Variants in FOCAD observed in about 807,000 individuals in gnomAD.
The protein encoded by FOCAD is focadhesin, also known as KIAA1797.
A neutral mutation model predicts 225.6 loss-of-function variants in FOCAD; 198 were observed. The ratio of observed to expected loss-of-function variants is 0.88; its 90% CI spans 0.78 to 0.99. FOCAD has a LOEUF of 0.99. FOCAD is among the 50% of genes least tolerant of loss of function. The pLI is 0.00. For synonymous variants in FOCAD, 897 were observed against 755.0 expected (o/e 1.19, Z -3.08); for missense variants, 2,713 against 2,123.6 (o/e 1.28, Z -5.46).
chr9:20,783,125 A>T (rs1486903906), intron 10 of FOCAD, among the ~76,000 whole-genome samples: 1 of 152,128 alleles, frequency 6.6e-6, no homozygotes, highest in East Asian at 1.9e-4. Flanking sequence ...TGCTCCTTTA[A>T]ATCACAAGTG....
Position 20,929,376 on chromosome 9 carries a change from A to T in FOCAD, c.3097A>T (p.Asn1033Tyr), listed in dbSNP as rs374284178. The T allele has an allele frequency of 5.0e-6, 8 of 1,613,910 alleles. No homozygotes were observed. The highest frequency in any genetic ancestry group is 6.8e-6 in the Non-Finnish European group (8 of 1,179,992). The change falls in exon 27 of 44, where the codon AAC becomes TAC. Residue 1033 changes from asparagine (N) to tyrosine (Y), a missense_variant. Physicochemically the swap from Asn to Tyr is moderately radical, Grantham distance 143. Transcript: ENST00000338382. The part of the protein sequence containing the change: ...WFYYKSYSGE[N>Y]TASAIARSAA... ...GTCCTAGAAGTCCTATTCTGGTGAA[A>T]ACACAGCTAGTGCCATTGCCCGTTC...
At chr9:20,891,865 C>T (rs1490820011) in intron 21 of FOCAD, among the ~76,000 whole-genome samples, 1 of 152,130 alleles carries the variant, frequency 6.6e-6, no homozygotes, top group Non-Finnish European at 1.5e-5. Flanking sequence ...GCAGAAGATG[C>T]CTTGTAGAAA....
chr9:20,850,491 T>C (rs1270806280), intron 15 of FOCAD, among the ~76,000 whole-genome samples: 1 of 151,764 alleles, frequency 6.6e-6, no homozygotes, highest in African/African-American at 2.4e-5. Flanking sequence ...TGTATAAACT[T>C]AGTAGAATGT....
At chr9:20,679,115 C>CTGTGTTTG in intron 2 of FOCAD, among the ~76,000 whole-genome samples, 1 of 93,050 alleles carries the variant, frequency 1.1e-5, no homozygotes, top group Admixed American at 1.0e-4. Flanking sequence ...AACAGACAGT[C>CTGTGTTTG]TGTGTATGTG....
intron 33 of FOCAD, 50 bp downstream of exon 33, chr9:20,949,725 T>C (rs1391871414): frequency 3.5e-6 from 5 of 1,421,154 alleles, no homozygotes; most frequent in Non-Finnish European, 4.0e-6. Context: ...TCCCCCTTTG[T>C]TGTCTTTTTT....
intron 22 of FOCAD, among the ~76,000 whole-genome samples, chr9:20,912,317 T>C (rs934391534): frequency 6.6e-6 from 1 of 151,970 alleles, no homozygotes; most frequent in African/African-American, 2.4e-5. Flanking sequence ...GTTAGCAATA[T>C]TTTTTTTCAC....
At chr9:20,733,772 C>T (rs1386061903) in intron 4 of FOCAD, among the ~76,000 whole-genome samples, 4 of 152,044 alleles carry the variant, frequency 2.6e-5, no homozygotes, top group Non-Finnish European at 4.4e-5. Flanking sequence ...GAGGTCAAGG[C>T]AGAAGGATTG....
At chr9:20,961,185 G>A (rs865981693) in intron 35 of FOCAD, among the ~76,000 whole-genome samples, 8 of 147,788 alleles carry the variant, frequency 5.4e-5, no homozygotes, top group South Asian at 4.4e-4. Context: ...CCTCCTCTCC[G>A]CTCCCCTCCT....
At chr9:20,681,781 G>T (rs1387343024), upstream of FOCAD, among the ~76,000 whole-genome samples, 3 of 152,202 alleles carry the variant, frequency 2.0e-5, no homozygotes, top group Non-Finnish European at 2.9e-5. Context: ...GTTCCTGTAT[G>T]GAAGGAGTAT....
At chr9:20,852,262 T>C (rs1827733793) in intron 15 of FOCAD, among the ~76,000 whole-genome samples, 1 of 151,782 alleles carries the variant, frequency 6.6e-6, no homozygotes, top group African/African-American at 2.4e-5. Flanking sequence ...GTTGAACTTG[T>C]AGATTATAGG....
At chr9:20,809,593 G>C (rs995840907) in intron 11 of FOCAD, among the ~76,000 whole-genome samples, 2 of 152,114 alleles carry the variant, frequency 1.3e-5, no homozygotes, top group African/African-American at 4.8e-5. Context: ...ATACCTCAAA[G>C]ACTATCTTAA....
chr9:20,661,212 A>G (rs561112700), intron 2 of FOCAD, among the ~76,000 whole-genome samples: 1 of 152,278 alleles, frequency 6.6e-6, no homozygotes, highest in African/African-American at 2.4e-5. Context: ...GGTAGAGGAG[A>G]ATGGGTTGGG....
intron 21 of FOCAD, among the ~76,000 whole-genome samples, chr9:20,893,792 C>G (rs1358684390): frequency 6.6e-6 from 1 of 152,096 alleles, no homozygotes; most frequent in African/African-American, 2.4e-5. Context: ...ACTCTGCCCT[C>G]ATGCCTACCT....
chr9:20,910,538 C>T (rs12375887), intron 22 of FOCAD, among the ~76,000 whole-genome samples: 10,588 of 151,968 alleles, frequency 0.07, 681 homozygotes, highest in African/African-American at 0.17. Context: ...GGTGAAATTG[C>T]TTACTATAAT....
chr9:20,666,418 A>T (rs4509428), intron 2 of FOCAD, among the ~76,000 whole-genome samples: 3 of 151,914 alleles, frequency 2.0e-5, no homozygotes, highest in African/African-American at 7.3e-5. Context: ...AAAAAATACG[A>T]AAACAGCTGG....
At chr9:20,724,026 T>C (rs1826002904) in intron 4 of FOCAD, among the ~76,000 whole-genome samples, 1 of 152,170 alleles carries the variant, frequency 6.6e-6, no homozygotes, top group South Asian at 2.1e-4. Context: ...AGATCTCATG[T>C]GAACTAACTG....
chr9:20,890,810 T>C (rs1275925937), intron 21 of FOCAD, among the ~76,000 whole-genome samples: 2 of 152,198 alleles, frequency 1.3e-5, no homozygotes, highest in Non-Finnish European at 2.9e-5. Flanking sequence ...GAGTTTTCTT[T>C]ATAGGACTGT....
At chr9:20,947,685 A>T (rs995363443) in intron 30 of FOCAD, among the ~76,000 whole-genome samples, 4 of 152,156 alleles carry the variant, frequency 2.6e-5, no homozygotes, top group Non-Finnish European at 5.9e-5. Flanking sequence ...CTGAAAAAAA[A>T]CATTTTATCT....
At chr9:20,758,218 A>C in intron 6 of FOCAD, 27 bp downstream of exon 6, 1 of 1,540,488 alleles carries the variant, frequency 6.5e-7, no homozygotes, top group Non-Finnish European at 8.9e-7. Flanking sequence ...GTGTAAAATA[A>C]AGTGAGGGAG....
Sources: gnomAD v4.1 joint callset for allele counts (sites outside exome capture counted in the v4.1 genomes callset) on GRCh38, gnomAD v4.1.1 for gene constraint, MANE v1.5 for transcripts, NCBI Gene and HGNC (gene_info 2026-07-23, HGNC 2026-07-21) for gene names.